Variants in KCNN2 observed in about 807,000 individuals in gnomAD.
KCNN2 encodes potassium calcium-activated channel subfamily N member 2, also known as small conductance calcium-activated potassium channel protein 2.
In KCNN2, 24 loss-of-function variants were observed where a neutral mutation model predicts 55.5. The ratio of observed to expected loss-of-function variants is 0.43; its 90% CI spans 0.31 to 0.61. The LOEUF is 0.61. Among genes scored for constraint, KCNN2 ranks in the 20% least tolerant of loss-of-function variants. The pLI is 0.08. For synonymous variants in KCNN2, 431 were observed against 336.1 expected (o/e 1.28, Z -3.09); for missense variants, 754 against 853.6 (o/e 0.88, Z 1.45).
In KCNN2 at chr5:114,470,731, G is replaced by A. The variant is rs531006879; in HGVS notation, c.1780-2323G>A. Among the ~76,000 whole-genome samples, 4 of 152,260 alleles carry A rather than the reference G, an allele frequency of 2.6e-5. No individual in the cohort carries two copies. In the South Asian group the frequency reaches 8.3e-4, roughly 32 times the overall value. ...TTGTTTATCGTGTCTTCATAAGTCA[G>A]TCAAATGACTCTTATAAGAATTTTG... is the stretch of plus-strand genomic sequence containing the variant. On this transcript the variant is annotated intron_variant, in intron 4 of 7. Coordinates refer to ENST00000673685, the MANE Select transcript of KCNN2 (RefSeq NM_021614.4).
chr5:114,147,329 G>A (rs1224084351), intron 1 of KCNN2, among the ~76,000 whole-genome samples: 2 of 152,104 alleles, frequency 1.3e-5, no homozygotes, highest in African/African-American at 4.8e-5. Context: ...TGTAGAAAAG[G>A]CATTTTTAAC....
At chr5:114,291,325 G>A (rs1252744166) in intron 2 of KCNN2, among the ~76,000 whole-genome samples, 2 of 151,970 alleles carry the variant, frequency 1.3e-5, no homozygotes, top group Admixed American at 1.3e-4. Flanking sequence ...ATCTCCTAAT[G>A]CTATCCCTCC....
chr5:114,213,686 A>G (rs1195463958), intron 1 of KCNN2, among the ~76,000 whole-genome samples: 2 of 151,988 alleles, frequency 1.3e-5, no homozygotes, highest in Admixed American at 1.3e-4. Flanking sequence ...AGTCCATTGC[A>G]TGCAATTTGT....
intron 1 of KCNN2, among the ~76,000 whole-genome samples, chr5:114,192,007 C>G (rs1420510228): frequency 6.6e-6 from 1 of 152,102 alleles, no homozygotes; most frequent in Admixed American, 6.5e-5. Context: ...AGAATGTAGG[C>G]TATTGATTGA....
At chr5:114,117,145 T>C (rs1751722730) in intron 1 of KCNN2, among the ~76,000 whole-genome samples, 1 of 152,196 alleles carries the variant, frequency 6.6e-6, no homozygotes, top group Non-Finnish European at 1.5e-5. Context: ...AAGACATGAC[T>C]AAGCATATCG....
At chr5:114,113,336 G>A (rs1197316655) in intron 1 of KCNN2, among the ~76,000 whole-genome samples, 2 of 151,834 alleles carry the variant, frequency 1.3e-5, no homozygotes, top group Non-Finnish European at 2.9e-5. Flanking sequence ...TCAGATCTCG[G>A]TCTCATTATC....
chr5:114,369,245 T>G (rs1400404924), intron 2 of KCNN2, among the ~76,000 whole-genome samples: 2 of 152,230 alleles, frequency 1.3e-5, no homozygotes, highest in Admixed American at 1.3e-4. Context: ...ACCATTTTCT[T>G]GCAAAACATT....
intron 2 of KCNN2, among the ~76,000 whole-genome samples, chr5:114,240,249 T>C (rs903678378): frequency 6.6e-6 from 1 of 152,004 alleles, no homozygotes; most frequent in Non-Finnish European, 1.5e-5. Flanking sequence ...ATTTGAATTA[T>C]AATTATTTAA....
chr5:114,207,854 G>T (rs1275940960), intron 1 of KCNN2, among the ~76,000 whole-genome samples: 1 of 152,196 alleles, frequency 6.6e-6, no homozygotes, highest in Admixed American at 6.5e-5. Flanking sequence ...ACAGAGTAGG[G>T]TTGTCTTATC....
At position 114,290,126 on chromosome 5, in the gene KCNN2, G is replaced by A. The variant is rs140218183; in HGVS notation, c.-185+68561G>A. Among the ~76,000 whole-genome samples the A allele has an allele frequency of 2.9e-3, 448 of 152,244 alleles. 3 individuals are homozygous for A. Among genetic ancestry groups the A allele is most frequent in the Non-Finnish European group, 4.6e-3 (311 of 68,002 alleles). ...GTATTGGTGTGGCCTCATAGAATGA[G>A]TTAGAATATGTTCCCTCTTATTCTG... On this transcript the variant is annotated intron_variant, in intron 2 of 10. Transcript: ENST00000512097.
At chr5:114,138,662 T>G (rs1215881649) in intron 1 of KCNN2, among the ~76,000 whole-genome samples, 1 of 152,110 alleles carries the variant, frequency 6.6e-6, no homozygotes, top group Admixed American at 6.6e-5. Context: ...AGGGCAGGGG[T>G]TCTCTCATAC....
chr5:114,373,248 A>G (rs1213723286), intron 2 of KCNN2, among the ~76,000 whole-genome samples: 1 of 151,972 alleles, frequency 6.6e-6, no homozygotes, highest in Non-Finnish European at 1.5e-5. Flanking sequence ...TCCTAATTCT[A>G]CATGATCTTG....
intron 1 of KCNN2, among the ~76,000 whole-genome samples, chr5:114,089,888 C>A (rs988819514): frequency 6.6e-6 from 1 of 152,092 alleles, no homozygotes; most frequent in African/African-American, 2.4e-5. Context: ...ACTTCAAGTA[C>A]AAATCGAGGA....
chr5:114,187,764 C>T (rs913085006), intron 1 of KCNN2, among the ~76,000 whole-genome samples: 1 of 151,768 alleles, frequency 6.6e-6, no homozygotes, highest in Non-Finnish European at 1.5e-5. Context: ...CCTCGGCCTC[C>T]CAAAGTGCTA....
chr5:114,249,410 C>T (rs1161293951), intron 2 of KCNN2, among the ~76,000 whole-genome samples: 1 of 151,672 alleles, frequency 6.6e-6, no homozygotes, highest in Non-Finnish European at 1.5e-5. Context: ...CCTCAGCCTC[C>T]CAAGTAGCTG....
intron 1 of KCNN2, among the ~76,000 whole-genome samples, chr5:114,212,631 C>T (rs1176024096): frequency 6.6e-6 from 1 of 151,766 alleles, no homozygotes; most frequent in Non-Finnish European, 1.5e-5. Context: ...AAAAAAAATG[C>T]TTTCATAAGC....
intron 3 of KCNN2, among the ~76,000 whole-genome samples, chr5:114,446,398 A>G (rs1760409418): frequency 1.3e-5 from 2 of 152,192 alleles, no homozygotes; most frequent in African/African-American, 4.8e-5. Flanking sequence ...GGATCTCACA[A>G]CTTGGCTCTC....
chr5:114,115,905 T>C (rs1339776735), intron 1 of KCNN2, among the ~76,000 whole-genome samples: 4 of 152,086 alleles, frequency 2.6e-5, no homozygotes, highest in African/African-American at 7.2e-5. Context: ...AATTTCTTTC[T>C]TGGGATTTTG....
At chr5:114,110,885 G>C (rs923824658) in intron 1 of KCNN2, among the ~76,000 whole-genome samples, 2 of 152,008 alleles carry the variant, frequency 1.3e-5, no homozygotes, top group Admixed American at 6.6e-5. Flanking sequence ...TATGAACTGT[G>C]TTAGTGCTGG....
Sources: allele counts gnomAD v4.1 joint callset (sites outside exome capture counted in the v4.1 genomes callset), GRCh38; gene constraint gnomAD v4.1.1; transcripts MANE v1.5; gene names NCBI Gene and HGNC (gene_info 2026-07-23, HGNC 2026-07-21).